Variants in HMGXB3 observed in about 807,000 individuals in gnomAD.
The protein encoded by HMGXB3 is HMG-box containing 3.
HMGXB3 carries 45 observed loss-of-function variants against 121.5 expected under a neutral mutation model. That is an observed-to-expected ratio of 0.37 (90% CI 0.29 to 0.47). The LOEUF is 0.47. HMGXB3 is among the 20% of genes least tolerant of loss of function. HMGXB3 has a pLI of 0.99. For missense variants in HMGXB3, 1,376 were observed against 1,602.2 expected (o/e 0.86, Z 2.41); for synonymous variants, 590 against 624.1 (o/e 0.95, Z 0.81).
At chr5:150,042,508 TC>T (rs759022632) in intron 15 of HMGXB3, among the ~76,000 whole-genome samples, 1 of 151,360 alleles carries the variant, frequency 6.6e-6, no homozygotes, top group African/African-American at 2.4e-5. Flanking sequence ...GGAGGAATAT[TC>T]CAGGCAGAGG....
In HMGXB3 at chr5:150,052,245, T is replaced by C; in HGVS notation, c.*53T>C. ...ATCTCTCAAGCCATAGTAAGGCCCT[T>C]GCCTGAGGCAGAGCTATCCAGGGGA... On this transcript the variant is annotated 3_prime_UTR_variant, in exon 20 of 20. Transcript: ENST00000502717. 7.2e-7 allele frequency: 1 copy of C among 1,395,222 alleles called. No individual in the cohort carries two copies. Among genetic ancestry groups the C allele is most frequent in the Non-Finnish European group, 9.7e-7 (1 of 1,031,726 alleles). 86.4% of individuals were successfully genotyped at this position (1,395,222 alleles called of 1,614,324 possible).
chr5:150,026,931 G>A, intron 8 of HMGXB3, 50 bp downstream of exon 8: 1 of 1,520,712 alleles, frequency 6.6e-7, no homozygotes, highest in Non-Finnish European at 8.9e-7. Flanking sequence ...ACAGGAAAGG[G>A]ACAGGAGTGG....
chr5:150,049,507 G>A (rs1322142885), intron 18 of HMGXB3, among the ~76,000 whole-genome samples: 2 of 152,164 alleles, frequency 1.3e-5, no homozygotes, highest in Non-Finnish European at 2.9e-5. Flanking sequence ...TGTAAAAAGA[G>A]AATCCAGTTC....
At chr5:150,004,138 T>G (rs1008678126) in intron 1 of HMGXB3, among the ~76,000 whole-genome samples, 1 of 151,920 alleles carries the variant, frequency 6.6e-6, no homozygotes, top group African/African-American at 2.4e-5. Flanking sequence ...CCTCCCAAAG[T>G]GCTGAGATTA....
In HMGXB3 at chr5:150,052,274, G is replaced by A; in HGVS notation, c.*82G>A. The A allele has an allele frequency of 8.8e-7, 1 of 1,133,466 alleles. No individual in the cohort carries two copies. The highest frequency in any genetic ancestry group is 1.2e-6 in the Non-Finnish European group (1 of 805,606). 70.2% of individuals were successfully genotyped at this position (1,133,466 alleles called of 1,614,324 possible). A position where few individuals can be genotyped will look rare whatever the true frequency, so the allele number is the denominator to read the frequency against. On this transcript the variant is annotated 3_prime_UTR_variant, in exon 20 of 20. Coordinates refer to ENST00000502717, the MANE Select transcript of HMGXB3 (RefSeq NM_014983.3). ...TGAGGCAGAGCTATCCAGGGGACCT[G>A]CAGAAGTGGTCTCCTGTGGGGAGGG... is the stretch of plus-strand genomic sequence containing the variant.
At chr5:150,009,544 T>C (rs1039600036) in intron 3 of HMGXB3, among the ~76,000 whole-genome samples, 1 of 152,224 alleles carries the variant, frequency 6.6e-6, no homozygotes, top group Non-Finnish European at 1.5e-5. Flanking sequence ...TCCTCTTCTT[T>C]GTAAGTCTGG....
rs149955533 is a variant in HMGXB3 at position 150,026,913 on chromosome 5, G to A, written c.1636+32G>A. The A allele has an allele frequency of 4.5e-3, 6,838 of 1,510,746 alleles. 17 individuals are homozygous for A. Among genetic ancestry groups the A allele is most frequent in the Non-Finnish European group, 5.6e-3 (6,246 of 1,124,930 alleles). 93.6% of individuals were successfully genotyped at this position (1,510,746 alleles called of 1,614,324 possible). ...GCTGGGACATACCTGGGATGGAGGG[G>A]CTGTCTGACAGGAAAGGGACAGGAG... On this transcript the variant is annotated intron_variant, in intron 8 of 19. Transcript: ENST00000502717.
At chr5:150,028,176 G>A (rs1756277476) in intron 9 of HMGXB3, among the ~76,000 whole-genome samples, 1 of 152,054 alleles carries the variant, frequency 6.6e-6, no homozygotes, top group Non-Finnish European at 1.5e-5. Flanking sequence ...CTCAAAGCAG[G>A]GAGGGGACTT....
chr5:150,028,541 G>GTGTGTGTGTATA (rs1203886454), intron 9 of HMGXB3, among the ~76,000 whole-genome samples: 81 of 42,054 alleles, frequency 1.9e-3, no homozygotes, highest in Non-Finnish European at 3.7e-3. Flanking sequence ...GTGTGTGTGT[G>GTGTGTGTGTATA]TATATATATA....
chr5:150,037,937 T>C (rs1756536695), intron 13 of HMGXB3, among the ~76,000 whole-genome samples: 1 of 152,244 alleles, frequency 6.6e-6, no homozygotes, highest in Non-Finnish European at 1.5e-5. Flanking sequence ...AGTACGGTTG[T>C]GCTAGATGTT....
In HMGXB3 at chr5:150,052,191, A is replaced by G; in HGVS notation, c.3878A>G (p.Ter1293=). 1 of 1,541,042 alleles carries G rather than the reference A, an allele frequency of 6.5e-7. No individual in the cohort carries two copies. The highest frequency in any genetic ancestry group is 1.2e-5 in the South Asian group (1 of 83,596). ...GAGGAGGTGGCCGCAGTGGCAGAATAAGCCAGGCTGTTGTACAGGGACTAC... is the reference window on the plus strand; with the variant it reads ...GAGGAGGTGGCCGCAGTGGCAGAATGAGCCAGGCTGTTGTACAGGGACTAC... ...EEEEVAAVAE[*] Residue 1293 remains the stop codon, a stop_retained_variant, in exon 20 of 20, where the codon TAA becomes TGA. Transcript: ENST00000502717.
intron 6 of HMGXB3, among the ~76,000 whole-genome samples, chr5:150,019,747 C>T (rs1426154871): frequency 6.6e-6 from 1 of 152,198 alleles, no homozygotes; most frequent in African/African-American, 2.4e-5. Context: ...TCGTGATTAT[C>T]ACATGTTTAA....
chr5:150,041,603 T>C lies in HMGXB3; in HGVS notation c.2546-182T>C, dbSNP rs144228882. ...CTATCACTCCAGTGGGAATTGCTCT[T>C]TGGGTTGCCACCTGAGCACTTGCAG... On this transcript the variant is annotated intron_variant, in intron 14 of 19. Transcript: ENST00000502717. Among the ~76,000 whole-genome samples the C allele has an allele frequency of 5.3e-5, 8 of 152,356 alleles. No homozygotes were observed. The East Asian group carries it at 1.5e-3, about 29-fold the overall frequency.
chr5:150,013,245 AG>A (rs1561854812), intron 5 of HMGXB3, among the ~76,000 whole-genome samples: 1 of 152,182 alleles, frequency 6.6e-6, no homozygotes, highest in East Asian at 1.9e-4. Flanking sequence ...TATCATGTTT[AG>A]GTAGTTCCCT....
intron 19 of HMGXB3, among the ~76,000 whole-genome samples, chr5:150,050,762 T>G (rs6872797): frequency 0.093 from 14,232 of 152,254 alleles, 2,178 homozygotes; most frequent in African/African-American, 0.32. Context: ...ATTACAGGCA[T>G]GAGCCACCAC....
intron 11 of HMGXB3, among the ~76,000 whole-genome samples, chr5:150,033,060 C>T (rs772396652): frequency 6.6e-6 from 1 of 152,170 alleles, no homozygotes. Flanking sequence ...TTATTTCTAG[C>T]AGTCTAGGCA....
intron 15 of HMGXB3, 113 bp from the exon 16 acceptor site, chr5:150,045,353 A>G: frequency 1.2e-6 from 1 of 860,116 alleles, no homozygotes; most frequent in Non-Finnish European, 1.9e-6. Flanking sequence ...TGGCTGTCTG[A>G]CTTCCCTTCA....
chr5:150,020,092 A>G (rs1756052232), intron 6 of HMGXB3, among the ~76,000 whole-genome samples: 1 of 152,228 alleles, frequency 6.6e-6, no homozygotes, highest in African/African-American at 2.4e-5. Flanking sequence ...TTCATTAGGG[A>G]TGTTAGCAGG....
At position 150,052,147 on chromosome 5, in the gene HMGXB3, A is replaced by G; in HGVS notation, c.3834A>G (p.Thr1278=). 1 of 1,550,102 alleles carries G rather than the reference A, an allele frequency of 6.5e-7. No individual in the cohort carries two copies. The highest frequency in any genetic ancestry group is 8.7e-7 in the Non-Finnish European group (1 of 1,145,910). ...GGGTTGCTCAGATCAAGACAGAGAC[A>G]GAGGAGGAGGGTGAGGAAGAGGAGG... ...RLGVAQIKTE[T]EEEGEEEEVA... is the part of the protein sequence containing the mutation. The change falls in exon 20 of 20, where the codon ACA becomes ACG. Residue 1278 remains threonine, a synonymous_variant. Coordinates refer to ENST00000502717, the MANE Select transcript of HMGXB3 (RefSeq NM_014983.3).
Sources: allele counts gnomAD v4.1 joint callset (sites outside exome capture counted in the v4.1 genomes callset), GRCh38; gene constraint gnomAD v4.1.1; transcripts MANE v1.5; gene names NCBI Gene and HGNC (gene_info 2026-07-23, HGNC 2026-07-21).